The following COL23A1 variants were observed in gnomAD, a reference collection of about 807,000 sequenced individuals.
COL23A1 encodes the protein collagen alpha-1(XXIII) chain.
In COL23A1, 97 loss-of-function variants were observed where a neutral mutation model predicts 99.3. That is an observed-to-expected ratio of 0.98 (90% CI 0.83 to 1.16). COL23A1 has a LOEUF of 1.16. Among genes scored for constraint, COL23A1 ranks in the 50% most tolerant of loss-of-function variants. The pLI is 0.00. For missense variants in COL23A1, 762 were observed against 757.4 expected, an observed-to-expected ratio of 1.01 and a Z score of -0.07; for synonymous variants, 320 against 308.2, an observed-to-expected ratio of 1.04 and a Z score of -0.40.
rs1426248972 is a variant in COL23A1 at position 178,238,795 on chromosome 5, TTCC to T, written c.1621-98_1621-96del. 9 of 1,517,052 alleles carry T rather than the reference TTCC, an allele frequency of 5.9e-6. No individual in the cohort carries two copies. In the East Asian group the frequency reaches 1.3e-4, roughly 23 times the overall value. The allele number at this position is 1,517,052 out of a possible 1,614,324, so 94.0% of individuals were successfully genotyped here. A position where few individuals can be genotyped will look rare whatever the true frequency, so the allele number is the denominator to read the frequency against. ...GCCTGGCCTCCCCGGTCCTGCCCATTTCCTCCTATCTTCCCTCCCCCCACTCCC... is the reference window on the plus strand; with the variant it reads ...GCCTGGCCTCCCCGGTCCTGCCCATTTCCTATCTTCCCTCCCCCCACTCCC... On this transcript the variant is annotated intron_variant, in intron 28 of 28. Coordinates refer to ENST00000390654, the MANE Select transcript of COL23A1 (RefSeq NM_173465.4).
intron 5 of COL23A1, among the ~76,000 whole-genome samples, chr5:178,275,527 G>C (rs79262583): frequency 6.6e-6 from 1 of 152,312 alleles, no homozygotes; most frequent in African/African-American, 2.4e-5. Context: ...GAAGAAGGGA[G>C]GGGGAGGAAC....
At chr5:178,417,334 A>T (rs1206484620) in intron 2 of COL23A1, among the ~76,000 whole-genome samples, 1 of 152,162 alleles carries the variant, frequency 6.6e-6, no homozygotes, top group Non-Finnish European at 1.5e-5. Flanking sequence ...CAGAGGCTTG[A>T]CCCTGCTGAT....
intron 2 of COL23A1, among the ~76,000 whole-genome samples, chr5:178,435,309 C>G (rs751332844): frequency 6.6e-6 from 1 of 152,202 alleles, no homozygotes; most frequent in Non-Finnish European, 1.5e-5. Context: ...CTGGCCCAGG[C>G]TGGCTCTGAC....
At chr5:178,574,774 C>T (rs888328571) in intron 1 of COL23A1, among the ~76,000 whole-genome samples, 9 of 133,140 alleles carry the variant, frequency 6.8e-5, no homozygotes, top group Admixed American at 6.7e-4. Flanking sequence ...ATGCTAAACG[C>T]TGAAGGTATT....
intron 11 of COL23A1, 67 bp downstream of exon 11, chr5:178,261,655 G>A: frequency 9.1e-7 from 1 of 1,100,110 alleles, no homozygotes; most frequent in Non-Finnish European, 1.4e-6. Flanking sequence ...ACAGGAAGTG[G>A]AGGTGGTGGT....
chr5:178,392,685 A>G (rs1048296650), intron 2 of COL23A1, among the ~76,000 whole-genome samples: 1 of 152,118 alleles, frequency 6.6e-6, no homozygotes, highest in African/African-American at 2.4e-5. Flanking sequence ...CAAATGTATC[A>G]CGCTACCCCA....
At chr5:178,358,661 T>TCTA (rs1491340488) in intron 2 of COL23A1, among the ~76,000 whole-genome samples, 11 of 122,166 alleles carry the variant, frequency 9.0e-5, no homozygotes, top group African/African-American at 4.0e-4. Flanking sequence ...TGTACGTGTG[T>TCTA]ATGTGTCTAA....
At chr5:178,363,561 A>G (rs1762290071) in intron 2 of COL23A1, among the ~76,000 whole-genome samples, 1 of 152,238 alleles carries the variant, frequency 6.6e-6, no homozygotes, top group Admixed American at 6.5e-5. Flanking sequence ...TCCTTTTCAG[A>G]CAAAAACACA....
chr5:178,539,946 G>T (rs1363846866), intron 2 of COL23A1, among the ~76,000 whole-genome samples: 2 of 152,276 alleles, frequency 1.3e-5, no homozygotes, highest in Middle Eastern at 3.4e-3. Flanking sequence ...GAATGCAAGC[G>T]TGGTTACCAT....
At chr5:178,426,040 C>T (rs1272504950) in intron 2 of COL23A1, among the ~76,000 whole-genome samples, 1 of 152,136 alleles carries the variant, frequency 6.6e-6, no homozygotes, top group Non-Finnish European at 1.5e-5. Flanking sequence ...GGGGGGGCAA[C>T]CAAAGGGGCT....
At chr5:178,460,314 C>T (rs1313327657) in intron 2 of COL23A1, among the ~76,000 whole-genome samples, 1 of 151,904 alleles carries the variant, frequency 6.6e-6, no homozygotes, top group East Asian at 1.9e-4. Context: ...GGAAAATAAC[C>T]ACAAAGAAAA....
chr5:178,451,063 A>T (rs1201700107), intron 2 of COL23A1, among the ~76,000 whole-genome samples: 2 of 152,242 alleles, frequency 1.3e-5, no homozygotes, highest in Non-Finnish European at 2.9e-5. Flanking sequence ...TGCAGAACTC[A>T]ATTATCAACT....
chr5:178,435,986 G>A (rs948642259), intron 2 of COL23A1, among the ~76,000 whole-genome samples: 22 of 152,312 alleles, frequency 1.4e-4, no homozygotes, highest in African/African-American at 1.9e-4. Context: ...TTACAAGTGC[G>A]CCAAATGTGC....
intron 2 of COL23A1, among the ~76,000 whole-genome samples, chr5:178,312,818 T>A: frequency 6.6e-6 from 1 of 152,172 alleles, no homozygotes; most frequent in Non-Finnish European, 1.5e-5. Context: ...GTTCATGGAA[T>A]CCACACAACA....
At chr5:178,375,995 C>A (rs1167671386) in intron 2 of COL23A1, among the ~76,000 whole-genome samples, 2 of 152,202 alleles carry the variant, frequency 1.3e-5, no homozygotes, top group Non-Finnish European at 2.9e-5. Context: ...GCGTGAGCCA[C>A]CACGCCCGGC....
At chr5:178,274,433 C>G (rs1386578810) in intron 5 of COL23A1, among the ~76,000 whole-genome samples, 2 of 152,160 alleles carry the variant, frequency 1.3e-5, no homozygotes, top group East Asian at 3.9e-4. Context: ...TGGACAGAGG[C>G]ATGGCAGGGC....
At chr5:178,517,256 G>C (rs916613716) in intron 2 of COL23A1, among the ~76,000 whole-genome samples, 1 of 152,206 alleles carries the variant, frequency 6.6e-6, no homozygotes, top group Non-Finnish European at 1.5e-5. Context: ...TTGTTAAAGG[G>C]ATGGATAAGT....
intron 2 of COL23A1, among the ~76,000 whole-genome samples, chr5:178,426,993 G>GCT (rs1270995460): frequency 3.3e-5 from 5 of 152,158 alleles, no homozygotes; most frequent in Non-Finnish European, 7.4e-5. Context: ...GGTTAGGAGT[G>GCT]CGAGACCAGC....
intron 2 of COL23A1, among the ~76,000 whole-genome samples, chr5:178,388,039 G>A (rs1002047311): frequency 6.6e-6 from 1 of 152,112 alleles, no homozygotes; most frequent in Non-Finnish European, 1.5e-5. Context: ...TGTCCACCCA[G>A]CGCACGCTCT....
Sources: allele counts gnomAD v4.1 joint callset (sites outside exome capture counted in the v4.1 genomes callset), GRCh38; gene constraint gnomAD v4.1.1; transcripts MANE v1.5; gene names NCBI Gene and HGNC (gene_info 2026-07-23, HGNC 2026-07-21).